Variants in STAT5A observed in about 807,000 individuals in gnomAD.
The protein encoded by STAT5A is epididymis secretory sperm binding protein.
A neutral mutation model predicts 100.2 loss-of-function variants in STAT5A; 26 were observed. The ratio of observed to expected loss-of-function variants is 0.26; its 90% CI spans 0.19 to 0.36. The LOEUF (loss-of-function observed/expected upper bound fraction) is 0.36, where lower values mean the gene tolerates loss of function less well. STAT5A is among the 10% of genes least tolerant of loss of function. The pLI, the probability that STAT5A is intolerant of heterozygous loss-of-function variation, is 1.00. For synonymous variants in STAT5A, 330 were observed against 424.3 expected (o/e 0.78, Z 2.73); for missense variants, 634 against 1,027.5 (o/e 0.62, Z 5.24).
chr17:42,295,719 A>G lies in STAT5A; in HGVS notation c.476A>G (p.Glu159Gly). 6.2e-7 allele frequency: 1 copy of G among 1,613,974 alleles called. No individual in the cohort carries two copies. The highest frequency in any genetic ancestry group is 8.5e-7 in the Non-Finnish European group (1 of 1,179,946). The change falls in exon 5 of 19, where the codon GAG becomes GGG. Residue 159 changes from glutamate (E) to glycine (G), a missense_variant. Glu to Gly is a moderately conservative substitution (Grantham distance 98, BLOSUM62 -2). This residue lies in a region of STAT5A where 207 missense variants were observed against 256.6 expected (regional missense o/e 0.81). Transcript: ENST00000590949. ...CTGCGACTGGTCACGCAGGACACAG[A>G]GAATGAGCTGAAGAAACTGCAGCAG... ...EELRLVTQDT[E>G]NELKKLQQTQ...
rs1455564636 is a variant in STAT5A, at chr17:42,309,407, C to T, written c.2145C>T (p.Gly715=). 3 of 1,613,150 alleles carry T rather than the reference C, an allele frequency of 1.9e-6. No individual in the cohort carries two copies. Among genetic ancestry groups the T allele is most frequent in the Non-Finnish European group, 2.5e-6 (3 of 1,179,978 alleles). ...EFVNASADAG[G]SSATYMDQAP... ...TGAATGCATCTGCAGATGCTGGGGG[C>T]AGCAGCGCCACGTACATGGACCAGG... The change falls in exon 18 of 19, where the codon GGC becomes GGT. Residue 715 remains glycine (G), a synonymous_variant. Coordinates refer to ENST00000590949, the MANE Select transcript of STAT5A (RefSeq NM_001288718.2).
rs2081052431 is a variant in STAT5A at position 42,308,698 on chromosome 17, G to A, written c.2063-349G>A. On this transcript the variant is annotated intron_variant, in intron 16 of 18. Coordinates refer to ENST00000590949, the MANE Select transcript of STAT5A (RefSeq NM_001288718.2). The surrounding 1 kb of genome is among the most constrained non-coding windows in gnomAD (Gnocchi z 4.6). ...ACACCCTGCTCACAAACCTTCCCCC[G>A]AGTGGAGTGCAGGCAGCAAAAGGGA... is the stretch of plus-strand genomic sequence containing the variant. 2.1e-5 allele frequency: 10 copies of A among 485,208 alleles called. No individual in the cohort carries two copies. Among genetic ancestry groups the A allele is most frequent in the East Asian group, 3.9e-5 (1 of 25,716 alleles). 30.1% of individuals were successfully genotyped at this position (485,208 alleles called of 1,614,324 possible).
chr17:42,311,083 C>A lies in STAT5A; in HGVS notation c.*414C>A. On this transcript the variant is annotated 3_prime_UTR_variant, in exon 19 of 19. Coordinates refer to ENST00000590949, the MANE Select transcript of STAT5A (RefSeq NM_001288718.2). ...TCACTCCGGAGTGAGAAGCTTTGCC[C>A]TCCTAAGAGAGAGAGACAGAGAGAC... is the stretch of plus-strand genomic sequence containing the variant. The A allele has an allele frequency of 4.4e-6, 1 of 225,284 alleles. No homozygotes were observed. Among genetic ancestry groups the A allele is most frequent in the South Asian group, 7.3e-5 (1 of 13,624 alleles). 14.0% of individuals were successfully genotyped at this position (225,284 alleles called of 1,614,324 possible).
rs140262285 is a variant in STAT5A, at chr17:42,307,540, A to G, written c.1775+44A>G. ...AGGGTCAGGGGCCAGCTGTGGGCGC[A>G]GAGAGACTGTGGCTGTGGCCCAGTG... On this transcript the variant is annotated intron_variant, in intron 14 of 18. Transcript: ENST00000590949. 8.9e-4 allele frequency: 1,430 copies of G among 1,614,100 alleles called. 1 individual carries two copies. The highest frequency in any genetic ancestry group is 1.1e-3 in the Non-Finnish European group (1,323 of 1,180,000).
In STAT5A at chr17:42,304,444, C is replaced by T. The variant is rs1280487393; in HGVS notation, c.1257+15C>T. On this transcript the variant is annotated intron_variant, in intron 10 of 18. Transcript: ENST00000590949. This position sits in a 1 kb window ranked among gnomAD's most constrained non-coding sequence, Gnocchi z 4.8. ...TCAGGAACATGGTGAGGACGGGGCC[C>T]ACCCTCGGAGGGCAGGTCTGCCCAG... 2.5e-6 allele frequency: 4 copies of T among 1,614,110 alleles called. No homozygotes were observed. The highest frequency in any genetic ancestry group is 1.7e-5 in the Admixed American group (1 of 60,000).
rs1393325474 is a variant in STAT5A at position 42,289,969 on chromosome 17, G to A, written c.232G>A (p.Glu78Lys). 75 of 1,612,456 alleles carry A rather than the reference G, an allele frequency of 4.7e-5. No individual in the cohort carries two copies. The highest frequency in any genetic ancestry group is 6.2e-5 in the Non-Finnish European group (73 of 1,179,486). The change falls in exon 3 of 19, where the codon GAA (glutamate) becomes AAA (lysine). Residue 78 changes from glutamate (E) to lysine (K), a missense_variant. By Grantham distance (56) the Glu-to-Lys change is moderately conservative. Transcript: ENST00000590949. ...LQKKAEHQVG[E>K]DGFLLKIKLG... Reference sequence around the variant, plus strand: ...GAAGAAGGCGGAGCACCAGGTGGGGGAAGATGGGTTTTTACTGAAGATCAA... The same window carrying A: ...GAAGAAGGCGGAGCACCAGGTGGGGAAAGATGGGTTTTTACTGAAGATCAA...
In STAT5A at chr17:42,306,375, A is replaced by G; in HGVS notation, c.1608A>G (p.Lys536=). Residue 536 remains lysine, a synonymous_variant, in exon 13 of 19, where the codon AAA becomes AAG. Transcript: ENST00000590949. Reference sequence around the variant, plus strand: ...AGAACCTCGTGTTCCTGGCGCAGAAACTGTTCAACAACAGCAGCAGCCACC... The same window carrying G: ...AGAACCTCGTGTTCCTGGCGCAGAAGCTGTTCAACAACAGCAGCAGCCACC... ...TKENLVFLAQ[K]LFNNSSSHLE... 1 of 1,614,078 alleles carries G rather than the reference A, an allele frequency of 6.2e-7. No individual in the cohort carries two copies. The highest frequency in any genetic ancestry group is 1.1e-5 in the South Asian group (1 of 91,068).
Position 42,309,451 on chromosome 17 carries a change from G to A in STAT5A, c.2189G>A (p.Cys730Tyr), listed in dbSNP as rs773174845. The change falls in exon 18 of 19, where the codon TGC becomes TAC. Residue 730 changes from cysteine to tyrosine, a missense_variant. Cys to Tyr is a radical substitution (Grantham distance 194). Coordinates refer to ENST00000590949, the MANE Select transcript of STAT5A (RefSeq NM_001288718.2). ...YMDQAPSPAV[C>Y]PQAPYNMYPQ... Reference sequence around the variant, plus strand: ...GACCAGGCCCCCTCCCCAGCTGTGTGCCCCCAGGCTCCCTATAACATGTAC... The same window carrying A: ...GACCAGGCCCCCTCCCCAGCTGTGTACCCCCAGGCTCCCTATAACATGTAC... 1.1e-5 allele frequency: 18 copies of A among 1,613,846 alleles called. No homozygotes were observed. Among genetic ancestry groups the A allele is most frequent in the Non-Finnish European group, 1.5e-5 (18 of 1,179,984 alleles).
rs1172018204 is a variant in STAT5A, at chr17:42,311,100, CAG to C, written c.*437_*438del. 2 of 206,300 alleles carry C rather than the reference CAG, an allele frequency of 9.7e-6. No individual in the cohort carries two copies. Among genetic ancestry groups the C allele is most frequent in the Non-Finnish European group, 2.0e-5 (2 of 98,248 alleles). 12.8% of individuals were successfully genotyped at this position (206,300 alleles called of 1,614,324 possible). A position where few individuals can be genotyped will look rare whatever the true frequency, so the allele number is the denominator to read the frequency against. On this transcript the variant is annotated 3_prime_UTR_variant, in exon 19 of 19. Transcript: ENST00000590949. ...GCTTTGCCCTCCTAAGAGAGAGAGA[CAG>C]AGAGACAGAGAGAGAGAAAGAGAGA...
chr17:42,308,956 A>G lies in STAT5A; in HGVS notation c.2063-91A>G. 1.3e-6 allele frequency: 2 copies of G among 1,516,826 alleles called. No homozygotes were observed. Among genetic ancestry groups the G allele is most frequent in the Non-Finnish European group, 1.8e-6 (2 of 1,093,570 alleles). The allele number at this position is 1,516,826 out of a possible 1,614,324, so 94.0% of individuals were successfully genotyped here. ...CCAGCTGAGAACACAAGGTGATGTG[A>G]GCAGGAGGGAGACTACATGGGGCGT... On this transcript the variant is annotated intron_variant, in intron 16 of 18. Transcript: ENST00000590949. The surrounding 1 kb of genome is among the most constrained non-coding windows in gnomAD (Gnocchi z 4.6).
At position 42,288,757 on chromosome 17, in the gene STAT5A, G is replaced by T. The variant is rs1321868275; in HGVS notation, c.-11+159G>T. ...TGGCCCAGCGCAGACGAGGGACGGG[G>T]GGACGTGGGGACAGGGGTCGGGGAT... On this transcript the variant is annotated intron_variant, in intron 1 of 18. Coordinates refer to ENST00000590949, the MANE Select transcript of STAT5A (RefSeq NM_001288718.2). The surrounding 1 kb of genome is among the most constrained non-coding windows in gnomAD (Gnocchi z 4.8). Among the ~76,000 whole-genome samples, 1 of 152,220 alleles carries T rather than the reference G, an allele frequency of 6.6e-6. No individual in the cohort carries two copies. Among genetic ancestry groups the T allele is most frequent in the Non-Finnish European group, 1.5e-5 (1 of 68,030 alleles).
At chr17:42,306,042 C>T (rs1354289146) in intron 12 of STAT5A, 199 bp from the exon 13 acceptor site, 11 of 883,162 alleles carry the variant, frequency 1.2e-5, no homozygotes, top group Non-Finnish European at 1.7e-5. Flanking sequence ...CCCCCTGCAT[C>T]GGTTTTCTTC....
rs1013538271 is a variant in STAT5A, at chr17:42,290,087, T to A, written c.285+65T>A. On this transcript the variant is annotated intron_variant, in intron 3 of 18. Transcript: ENST00000590949. ...CATCTTGTTCCAGCATCAGAACCCC[T>A]GGGTTTTTTCCTGGCCTGGCCACTG... The A allele has an allele frequency of 2.0e-6, 3 of 1,496,584 alleles. No homozygotes were observed. The African/African-American group carries it at 4.2e-5, about 21-fold the overall frequency. The allele number at this position is 1,496,584 out of a possible 1,614,324, so 92.7% of individuals were successfully genotyped here.
chr17:42,309,283 C>A (rs1012254288), intron 17 of STAT5A, 94 bp from the exon 18 acceptor site: 29 of 1,541,310 alleles, frequency 1.9e-5, no homozygotes, highest in Non-Finnish European at 2.5e-5. Flanking sequence ...TCCGTCTACA[C>A]CCCGAGAAAG....
In STAT5A at chr17:42,310,718, G is replaced by A. The variant is rs1174947398; in HGVS notation, c.*49G>A. 1.4e-5 allele frequency: 22 copies of A among 1,610,578 alleles called. No homozygotes were observed. The highest frequency in any genetic ancestry group is 1.7e-5 in the Admixed American group (1 of 59,894). ...TTGGAAACAATATGCAATGTGAAGC[G>A]GTCGTGTTGTGAGTTTAGTAAGGCT... On this transcript the variant is annotated 3_prime_UTR_variant, in exon 19 of 19. Coordinates refer to ENST00000590949, the MANE Select transcript of STAT5A (RefSeq NM_001288718.2).
Position 42,301,332 on chromosome 17 carries a change from A to G in STAT5A, c.1047A>G (p.Ala349=). 1.2e-6 allele frequency: 2 copies of G among 1,614,166 alleles called. No homozygotes were observed. Among genetic ancestry groups the G allele is most frequent in the Non-Finnish European group, 1.7e-6 (2 of 1,180,034 alleles). The change falls in exon 9 of 19, where the codon GCA becomes GCG. Residue 349 remains alanine, a synonymous_variant. Transcript: ENST00000590949. ...PQVLKTQTKF[A]ATVRLLVGGK... ...TCCTGAAGACCCAGACCAAGTTTGC[A>G]GCCACCGTACGCCTGCTGGTGGGCG...
rs758514352 is a variant in STAT5A, at chr17:42,308,178, C to T, written c.1907C>T (p.Pro636Leu). 25 of 1,613,840 alleles carry T rather than the reference C, an allele frequency of 1.5e-5. No homozygotes were observed. Among genetic ancestry groups the T allele is most frequent in the Admixed American group, 5.0e-5 (3 of 60,020 alleles). The change falls in exon 16 of 19, where the codon CCG becomes CTG. Residue 636 changes from proline (P) to leucine (L), a missense_variant and splice_region_variant. Physicochemically the swap from Pro to Leu is moderately conservative, Grantham distance 98. This residue lies in a region of STAT5A where 210 missense variants were observed against 428.4 expected (regional missense o/e 0.49). Coordinates refer to ENST00000590949, the MANE Select transcript of STAT5A (RefSeq NM_001288718.2). This position sits in a 1 kb window ranked among gnomAD's most constrained non-coding sequence, Gnocchi z 4.6. Reference sequence around the variant, plus strand: ...GGGAATGAGGCTGTTCTTTTCACAGCGGAACGCAACCTGTGGAACCTGAAA... The same window carrying T: ...GGGAATGAGGCTGTTCTTTTCACAGTGGAACGCAACCTGTGGAACCTGAAA... ...GITIAWKFDS[P>L]ERNLWNLKPF...
chr17:42,308,744 T>G lies in STAT5A; in HGVS notation c.2063-303T>G. ...AGGGAGAAGTCTCTCTTCTTCCAGC[T>G]GCCCCAAATCCATTGGTTGGGTTTG... On this transcript the variant is annotated intron_variant, in intron 16 of 18. Coordinates refer to ENST00000590949, the MANE Select transcript of STAT5A (RefSeq NM_001288718.2). This position sits in a 1 kb window ranked among gnomAD's most constrained non-coding sequence, Gnocchi z 4.6. 1 of 516,258 alleles carries G rather than the reference T, an allele frequency of 1.9e-6. No individual in the cohort carries two copies. The highest frequency in any genetic ancestry group is 3.5e-6 in the Non-Finnish European group (1 of 287,456). 32.0% of individuals were successfully genotyped at this position (516,258 alleles called of 1,614,324 possible).
chr17:42,304,720 G>C lies in STAT5A; in HGVS notation c.1380+68G>C. 2.5e-6 allele frequency: 4 copies of C among 1,597,360 alleles called. No homozygotes were observed. The highest frequency in any genetic ancestry group is 2.6e-6 in the Non-Finnish European group (3 of 1,171,200). ...CAAGAGGTGGAGGGGCCTGCCTCAG[G>C]ACTCCTGGCAGCAATGCCATCGGAC... is the stretch of plus-strand genomic sequence containing the variant. On this transcript the variant is annotated intron_variant, in intron 11 of 18. Coordinates refer to ENST00000590949, the MANE Select transcript of STAT5A (RefSeq NM_001288718.2). This position sits in a 1 kb window ranked among gnomAD's most constrained non-coding sequence, Gnocchi z 4.8.
Sources: allele counts gnomAD v4.1 joint callset (sites outside exome capture counted in the v4.1 genomes callset), GRCh38; gene constraint gnomAD v4.1.1; regional missense constraint gnomAD v4.1.1; non-coding constraint Gnocchi (gnomAD v3.1); transcripts MANE v1.5; gene names NCBI Gene and HGNC (gene_info 2026-07-23, HGNC 2026-07-21).